COL23A1: variants seen among roughly 807,000 people sequenced by gnomAD.
COL23A1 encodes collagen alpha-1(XXIII) chain.
Under a neutral mutation model 99.3 loss-of-function variants are expected in COL23A1, and 97 were observed. That is an observed-to-expected ratio of 0.98 (90% confidence interval 0.83 to 1.16). The LOEUF is 1.16. COL23A1 is among the 50% of genes most tolerant of loss of function. The probability of loss-of-function intolerance (pLI) is 0.00; values close to 1 mark genes in which losing one functional copy is unlikely to be tolerated. For missense variants in COL23A1, 762 were observed against 757.4 expected, an observed-to-expected ratio of 1.01 and a Z score of -0.07; for synonymous variants, 320 against 308.2, an observed-to-expected ratio of 1.04 and a Z score of -0.40.
rs999813937 is a variant in COL23A1, at chr5:178,314,825, C to T, written c.362-7906G>A. On this transcript the variant is annotated intron_variant, in intron 2 of 28. Coordinates refer to ENST00000390654, the MANE Select transcript of COL23A1 (RefSeq NM_173465.4). ...GGGAGGTTAATGGGCTTTCTGAGGC[C>T]GTACGCTGGTAGCCGGTAGAGTCAC... Among the ~76,000 whole-genome samples the T allele has an allele frequency of 3.9e-5, 6 of 152,086 alleles. No homozygotes were observed. The South Asian group carries it at 6.2e-4, about 16-fold the overall frequency.
chr5:178,245,134 C>T (rs1437732699), intron 25 of COL23A1, among the ~76,000 whole-genome samples: 3 of 147,436 alleles, frequency 2.0e-5, no homozygotes, highest in African/African-American at 5.1e-5. Context: ...CATCCATCCA[C>T]TCATCATCTA....
Position 178,589,896 on chromosome 5 carries a change from A to G in COL23A1, c.294+8T>C. ...AAGTCCGCCCCAGCCACGCGCCAAG[A>G]CGCTCACCTCCCGCAGCAGGCGCTC... On this transcript the variant is annotated splice_region_variant and intron_variant, in intron 1 of 28. Transcript: ENST00000390654. The surrounding 1 kb of genome is among the most constrained non-coding windows in gnomAD (Gnocchi z 5.4). 7.6e-7 allele frequency: 1 copy of G among 1,308,148 alleles called. No individual in the cohort carries two copies. Among genetic ancestry groups the G allele is most frequent in the African/African-American group, 1.6e-5 (1 of 64,470 alleles). 81.0% of individuals were successfully genotyped at this position (1,308,148 alleles called of 1,614,324 possible).
Position 178,237,632 on chromosome 5 carries a change from G to C in COL23A1, c.*1066C>G, listed in dbSNP as rs1764188256. ...AGGCACACCCAGACACGCACTTGTG[G>C]TTTATTACACACAGTGATCTCCATC... is the stretch of plus-strand genomic sequence containing the variant. On this transcript the variant is annotated 3_prime_UTR_variant, in exon 29 of 29. Transcript: ENST00000390654. The C allele has an allele frequency of 6.6e-6, 1 of 152,256 alleles. No homozygotes were observed. The highest frequency in any genetic ancestry group is 6.6e-5 in the Admixed American group (1 of 15,246). The allele number at this position is 152,256 out of a possible 1,614,324, so 9.4% of individuals were successfully genotyped here. A position where few individuals can be genotyped will look rare whatever the true frequency, so the allele number is the denominator to read the frequency against.
chr5:178,256,062 TAAAG>T (rs1223747743), intron 15 of COL23A1, among the ~76,000 whole-genome samples: 1 of 151,928 alleles, frequency 6.6e-6, no homozygotes, highest in African/African-American at 2.4e-5. Flanking sequence ...TCTGAATACA[TAAAG>T]AAAGGAATTT....
At chr5:178,536,836 G>T (rs186239672) in intron 2 of COL23A1, among the ~76,000 whole-genome samples, 57 of 152,306 alleles carry the variant, frequency 3.7e-4, no homozygotes, top group African/African-American at 1.3e-3. Flanking sequence ...GTCAGAGCTG[G>T]AGAGCCAGAT....
chr5:178,364,723 C>T (rs1259799264), intron 2 of COL23A1, among the ~76,000 whole-genome samples: 1 of 152,218 alleles, frequency 6.6e-6, no homozygotes, highest in African/African-American at 2.4e-5. Context: ...ACTCCAGAGG[C>T]TCTGAGTCAC....
intron 2 of COL23A1, among the ~76,000 whole-genome samples, chr5:178,358,248 G>A (rs200998257): frequency 1.0e-4 from 13 of 125,694 alleles, no homozygotes; most frequent in South Asian, 2.5e-4. Flanking sequence ...GTATGTGTAT[G>A]TGTGTGTATG....
At chr5:178,422,657 C>T (rs752282995) in intron 2 of COL23A1, among the ~76,000 whole-genome samples, 3 of 152,158 alleles carry the variant, frequency 2.0e-5, no homozygotes, top group Non-Finnish European at 4.4e-5. Flanking sequence ...GGTCGCCATC[C>T]ATCAGCCTCC....
intron 2 of COL23A1, among the ~76,000 whole-genome samples, chr5:178,456,376 G>T (rs550903000): frequency 6.6e-6 from 1 of 152,292 alleles, no homozygotes; most frequent in South Asian, 2.1e-4. Context: ...TATCAGATGG[G>T]ACTGGACAAT....
intron 2 of COL23A1, chr5:178,378,242 G>A (rs1480029444): frequency 6.6e-6 from 1 of 152,212 alleles, no homozygotes; most frequent in Non-Finnish European, 1.5e-5. Context: ...AAGAGCCACA[G>A]TGGTAGCTCT....
intron 2 of COL23A1, among the ~76,000 whole-genome samples, chr5:178,518,491 C>T (rs1759705566): frequency 6.9e-6 from 1 of 145,650 alleles, no homozygotes; most frequent in Non-Finnish European, 1.5e-5. Flanking sequence ...AGGCGCCCCT[C>T]ACCTCCCGGA....
chr5:178,558,220 G>T (rs569176721), intron 2 of COL23A1, among the ~76,000 whole-genome samples: 3 of 151,902 alleles, frequency 2.0e-5, no homozygotes, highest in Non-Finnish European at 4.4e-5. Context: ...CAGGACACAG[G>T]TCCATCTGTA....
In COL23A1 at chr5:178,365,890, C is replaced by T. The variant is rs1431893338; in HGVS notation, c.362-58971G>A. 6.6e-6 allele frequency among the ~76,000 whole-genome samples: 1 copy of T among 152,088 alleles called. No homozygotes were observed. Among genetic ancestry groups the T allele is most frequent in the Admixed American group, 6.5e-5 (1 of 15,284 alleles). On this transcript the variant is annotated intron_variant, in intron 2 of 28. Transcript: ENST00000390654. The surrounding 1 kb of genome is among the most constrained non-coding windows in gnomAD (Gnocchi z 5.2). ...CCTCGAGGGCAAGGCCTGGGAACAT[C>T]TGGAGTCAGTGAACACAGCAGGAAG... is the stretch of plus-strand genomic sequence containing the variant.
intron 2 of COL23A1, among the ~76,000 whole-genome samples, chr5:178,549,155 G>A (rs879256109): frequency 2.6e-5 from 4 of 151,988 alleles, no homozygotes; most frequent in Admixed American, 1.3e-4. Context: ...CACCACACCC[G>A]GCTAATTTTT....
intron 2 of COL23A1, among the ~76,000 whole-genome samples, chr5:178,325,150 C>T (rs1488980956): frequency 6.6e-6 from 1 of 152,230 alleles, no homozygotes; most frequent in Non-Finnish European, 1.5e-5. Context: ...CCAATACCAG[C>T]GTCTCCCCAG....
intron 1 of COL23A1, among the ~76,000 whole-genome samples, chr5:178,571,600 GA>G (rs35160565): frequency 0.35 from 53,850 of 151,846 alleles, 10,747 homozygotes; most frequent in African/African-American, 0.55. Flanking sequence ...TCTGGCAGAA[GA>G]ATAAGAAGTT....
chr5:178,488,821 G>T (rs2127965388), intron 2 of COL23A1, among the ~76,000 whole-genome samples: 1 of 152,306 alleles, frequency 6.6e-6, no homozygotes, highest in South Asian at 2.1e-4. Context: ...GAAGCAAATG[G>T]GATGGGCTCT....
chr5:178,496,841 T>C (rs1436399228), intron 2 of COL23A1, among the ~76,000 whole-genome samples: 1 of 152,216 alleles, frequency 6.6e-6, no homozygotes, highest in African/African-American at 2.4e-5. Flanking sequence ...AACAAAGCTT[T>C]TCCTGGCACT....
At chr5:178,521,997 G>A (rs1759972273) in intron 2 of COL23A1, among the ~76,000 whole-genome samples, 1 of 152,022 alleles carries the variant, frequency 6.6e-6, no homozygotes, top group African/African-American at 2.4e-5. Context: ...TGGCTAGCAT[G>A]GTAATCTTTA....
Sources: allele counts gnomAD v4.1 joint callset (sites outside exome capture counted in the v4.1 genomes callset), GRCh38; gene constraint gnomAD v4.1.1; non-coding constraint Gnocchi (gnomAD v3.1); transcripts MANE v1.5; gene names NCBI Gene and HGNC (gene_info 2026-07-23, HGNC 2026-07-21).